Variants in KLF8 observed in about 807,000 individuals in gnomAD.
The protein encoded by KLF8 is KLF transcription factor 8, also known as Krueppel-like factor 8.
KLF8 carries 10 observed loss-of-function variants against 18.2 expected under a neutral mutation model. The ratio of observed to expected loss-of-function variants is 0.55; its 90% CI spans 0.34 to 0.93. KLF8 has a LOEUF of 0.93. Ranked by LOEUF, KLF8 falls within the 40% of genes least tolerant of loss-of-function variation. The pLI, the probability that KLF8 is intolerant of heterozygous loss-of-function variation, is 0.02. For synonymous variants in KLF8, 109 were observed against 97.3 expected (o/e 1.12, Z -0.71); for missense variants, 264 against 277.9 (o/e 0.95, Z 0.36).
the KLF8 span, among the ~76,000 whole-genome samples, chrX:55,944,564 GTGTA>G: frequency 9.0e-6 from 1 of 111,668 alleles, no homozygotes; most frequent in Non-Finnish European, 1.9e-5. Flanking sequence ...TCTTGGCAGG[GTGTA>G]TGTGTCGAGG....
the KLF8 span, among the ~76,000 whole-genome samples, chrX:56,086,040 T>G: frequency 9.0e-6 from 1 of 111,701 alleles, no homozygotes; most frequent in African/African-American, 3.3e-5. Context: ...ATTGGATTTA[T>G]TACTCATTGC....
chrX:56,194,965 G>A, the KLF8 span, among the ~76,000 whole-genome samples: 1 of 112,226 alleles, frequency 8.9e-6, no homozygotes, highest in Admixed American at 9.4e-5. Flanking sequence ...TCCAGCAAAT[G>A]CCAACAGCCC....
the KLF8 span, among the ~76,000 whole-genome samples, chrX:55,965,302 G>A: frequency 1.7e-3 from 193 of 112,286 alleles, 3 homozygotes; most frequent in East Asian, 0.036. Context: ...GATGACAATA[G>A]TTGAAGAAAA....
the KLF8 span, among the ~76,000 whole-genome samples, chrX:56,052,941 C>T: frequency 4.5e-5 from 5 of 111,753 alleles, no homozygotes; most frequent in African/African-American, 9.7e-5. Flanking sequence ...TAGGACCCTC[C>T]GAGCCAGGTG....
the KLF8 span, among the ~76,000 whole-genome samples, chrX:56,055,007 A>C: frequency 9.0e-6 from 1 of 111,731 alleles, no homozygotes; most frequent in Non-Finnish European, 1.9e-5. Context: ...ACAGCTTGCC[A>C]ATGGGTCTTG....
the KLF8 span, among the ~76,000 whole-genome samples, chrX:55,973,932 C>T: frequency 2.7e-5 from 3 of 111,621 alleles, no homozygotes; most frequent in Non-Finnish European, 5.7e-5. Flanking sequence ...TGAAATCAAC[C>T]TAGATGCTCA....
At chrX:56,047,898 C>G in the KLF8 span, among the ~76,000 whole-genome samples, 48 of 111,648 alleles carry the variant, frequency 4.3e-4, no homozygotes, top group Non-Finnish European at 8.5e-4. Flanking sequence ...TAAAAGTGTT[C>G]CTGTTTCTCC....
the KLF8 span, among the ~76,000 whole-genome samples, chrX:56,209,354 A>G: frequency 2.7e-5 from 3 of 111,008 alleles, no homozygotes; most frequent in African/African-American, 9.8e-5. Context: ...GTCTTTACAG[A>G]TGATGTGTGT....
At chrX:55,947,625 C>G in the KLF8 span, among the ~76,000 whole-genome samples, 566 of 97,766 alleles carry the variant, frequency 5.8e-3, 6 homozygotes, top group Non-Finnish European at 8.5e-3. Context: ...TACCCTAAAA[C>G]TTAAAGTATA....
the KLF8 span, among the ~76,000 whole-genome samples, chrX:56,203,441 T>G: frequency 6.2e-5 from 7 of 112,026 alleles, no homozygotes; most frequent in Non-Finnish European, 9.4e-5. Flanking sequence ...GTGATCCCAT[T>G]TGTCCATTTT....
chrX:56,029,757 G>C, the KLF8 span, among the ~76,000 whole-genome samples: 60 of 111,677 alleles, frequency 5.4e-4, no homozygotes, highest in Middle Eastern at 4.6e-3. Flanking sequence ...CATTGGTTAC[G>C]CTGCAGACGT....
chrX:56,196,146 A>G, the KLF8 span, among the ~76,000 whole-genome samples: 2 of 111,877 alleles, frequency 1.8e-5, no homozygotes, highest in Non-Finnish European at 3.8e-5. Context: ...TGTAAAGACC[A>G]TCCATGCCAT....
At chrX:56,034,509 A>C in the KLF8 span, among the ~76,000 whole-genome samples, 3 of 110,790 alleles carry the variant, frequency 2.7e-5, no homozygotes, top group African/African-American at 9.8e-5. Context: ...AATTTTATAC[A>C]TTATAATTTA....
At chrX:55,929,896 GT>G in the KLF8 span, among the ~76,000 whole-genome samples, 7 of 104,734 alleles carry the variant, frequency 6.7e-5, no homozygotes, top group African/African-American at 1.4e-4. Context: ...AATTTAAAGA[GT>G]TTTTTTTTTA....
chrX:55,966,333 C>A, the KLF8 span, among the ~76,000 whole-genome samples: 1 of 112,299 alleles, frequency 8.9e-6, no homozygotes, highest in African/African-American at 3.2e-5. Context: ...GGCTTCAGGT[C>A]TGTCCCAGCA....
chrX:55,947,044 GTAAAC>G, the KLF8 span, among the ~76,000 whole-genome samples: 22 of 111,679 alleles, frequency 2.0e-4, no homozygotes, highest in Admixed American at 8.6e-4. Context: ...TGGTGGGACT[GTAAAC>G]TAGTTCAACT....
chrX:56,189,691 TA>T, the KLF8 span, among the ~76,000 whole-genome samples: 1 of 109,504 alleles, frequency 9.1e-6, no homozygotes. Context: ...TATGCAGCCA[TA>T]AAAAATGATG....
At chrX:56,049,340 G>T in the KLF8 span, among the ~76,000 whole-genome samples, 1 of 111,505 alleles carries the variant, frequency 9.0e-6, no homozygotes. Flanking sequence ...TCCCTGTCTT[G>T]TGCCAGTTTT....
the KLF8 span, among the ~76,000 whole-genome samples, chrX:56,111,221 T>A: frequency 4.4e-5 from 5 of 112,507 alleles, no homozygotes; most frequent in Non-Finnish European, 7.5e-5. Flanking sequence ...CATTTATGTG[T>A]GATGCATTAT....
Sources: allele counts gnomAD v4.1 joint callset (sites outside exome capture counted in the v4.1 genomes callset), GRCh38; gene constraint gnomAD v4.1.1; transcripts MANE v1.5; gene names NCBI Gene and HGNC (gene_info 2026-07-23, HGNC 2026-07-21).